Variants in PSKH1 observed in about 807,000 individuals in gnomAD.
The protein encoded by PSKH1 is serine/threonine-protein kinase H1.
PSKH1 carries 12 observed loss-of-function variants against 26.7 expected under a neutral mutation model. The ratio of observed to expected loss-of-function variants is 0.45; its 90% CI spans 0.29 to 0.73. PSKH1 has a LOEUF of 0.73. Ranked by LOEUF, PSKH1 falls within the 30% of genes least tolerant of loss-of-function variation. The pLI, the probability that PSKH1 is intolerant of heterozygous loss-of-function variation, is 0.11. For missense variants in PSKH1, 431 were observed against 595.2 expected (o/e 0.72, Z 2.87); for synonymous variants, 213 against 234.3 (o/e 0.91, Z 0.83).
intron 1 of PSKH1, among the ~76,000 whole-genome samples, chr16:67,906,569 T>C (rs2058156637): frequency 6.6e-6 from 1 of 152,042 alleles, no homozygotes; most frequent in African/African-American, 2.4e-5. Context: ...TTCACCATGT[T>C]GGCCAGACTG....
intron 1 of PSKH1, among the ~76,000 whole-genome samples, chr16:67,900,934 C>T (rs1283447525): frequency 2.0e-5 from 3 of 152,138 alleles, no homozygotes; most frequent in African/African-American, 7.2e-5. Context: ...ATGCTGGGAA[C>T]AGGAAAAGGC....
At chr16:67,900,569 A>G (rs1220232563) in intron 1 of PSKH1, among the ~76,000 whole-genome samples, 1 of 152,178 alleles carries the variant, frequency 6.6e-6, no homozygotes, top group Non-Finnish European at 1.5e-5. Context: ...AAGGAGCCCC[A>G]GATGGGGAAC....
chr16:67,899,090 T>C (rs2058134719), intron 1 of PSKH1, among the ~76,000 whole-genome samples: 1 of 152,206 alleles, frequency 6.6e-6, no homozygotes, highest in African/African-American at 2.4e-5. Flanking sequence ...CCTTGCTCCC[T>C]GCCCCGGGAC....
At chr16:67,915,026 A>G (rs1041204610) in intron 2 of PSKH1, among the ~76,000 whole-genome samples, 2 of 152,080 alleles carry the variant, frequency 1.3e-5, no homozygotes, top group African/African-American at 4.8e-5. Context: ...CTAACTGGCT[A>G]TTGATTACCT....
At chr16:67,907,164 T>C (rs931289252) in intron 1 of PSKH1, among the ~76,000 whole-genome samples, 1 of 150,500 alleles carries the variant, frequency 6.6e-6, no homozygotes, top group Non-Finnish European at 1.5e-5. Flanking sequence ...GGGGTTTCAC[T>C]GTGTTAGCCA....
intron 1 of PSKH1, among the ~76,000 whole-genome samples, chr16:67,907,093 A>T (rs1436849751): frequency 1.4e-5 from 2 of 145,654 alleles, no homozygotes. Context: ...CCTCCCGAGT[A>T]GCTGGGACTA....
At chr16:67,903,258 T>A (rs2058146629) in intron 1 of PSKH1, 1 of 151,912 alleles carries the variant, frequency 6.6e-6, no homozygotes. Context: ...AAGCAGATCC[T>A]CCCACCCTAG....
At chr16:67,895,716 T>C (rs1358076942) in intron 1 of PSKH1, among the ~76,000 whole-genome samples, 2 of 152,158 alleles carry the variant, frequency 1.3e-5, no homozygotes, top group African/African-American at 2.4e-5. Flanking sequence ...CAGGTATCTG[T>C]ATTTTGAGAA....
At position 67,909,101 on chromosome 16, in the gene PSKH1, CG is replaced by C; in HGVS notation, c.355del (p.Ala119GlnfsTer10). On this transcript the variant is annotated frameshift_variant, in exon 2 of 3. Coordinates refer to ENST00000291041, the MANE Select transcript of PSKH1 (RefSeq NM_006742.3). LOFTEE classifies it high-confidence loss of function. This position sits in a 1 kb window ranked among gnomAD's most constrained non-coding sequence, Gnocchi z 7.8. ...CAGCCGAGTGGTACGTGTAGAGCAC[CG>C]GGCAACCCGGCAGCCGTATGCCATC... is the stretch of plus-strand genomic sequence containing the variant. ...SFSRVVRVEH[R>X]ATRQPYAIKM... is the part of the protein sequence containing the mutation. 6.2e-7 allele frequency: 1 copy of C among 1,613,614 alleles called. No individual in the cohort carries two copies. The highest frequency in any genetic ancestry group is 8.5e-7 in the Non-Finnish European group (1 of 1,179,828).
Position 67,927,151 on chromosome 16 carries a change from A to T in PSKH1, c.958-174A>T, listed in dbSNP as rs1390000341. On this transcript the variant is annotated intron_variant, in intron 2 of 2. Coordinates refer to ENST00000291041, the MANE Select transcript of PSKH1 (RefSeq NM_006742.3). The surrounding 1 kb of genome is among the most constrained non-coding windows in gnomAD (Gnocchi z 5.5). The stretch of plus-strand genomic sequence containing the variant: ...TTCCTTGCCAGACTCCATCACCTGG[A>T]GAGCAGCCCTTGTTCAGCCTGAGCC... Among the ~76,000 whole-genome samples the T allele has an allele frequency of 1.3e-5, 2 of 152,164 alleles. No individual in the cohort carries two copies. The highest frequency in any genetic ancestry group is 1.5e-5 in the Non-Finnish European group (1 of 68,024).
In PSKH1 at chr16:67,915,615, A is replaced by G. The variant is rs535832112; in HGVS notation, c.957+5909A>G. 5.2e-3 allele frequency among the ~76,000 whole-genome samples: 789 copies of G among 152,176 alleles called. 4 individuals carry two copies. The highest frequency in any genetic ancestry group is 0.019 in the African/African-American group (772 of 41,494). Reference sequence around the variant, plus strand: ...ACCAGCCTCTGCCACTCCCTGGCAGAGCCCTGGTTTCTCTTTACTTTTCTG... The same window carrying G: ...ACCAGCCTCTGCCACTCCCTGGCAGGGCCCTGGTTTCTCTTTACTTTTCTG... On this transcript the variant is annotated intron_variant, in intron 2 of 2. Transcript: ENST00000291041.
At chr16:67,896,543 T>G (rs2058127062) in intron 1 of PSKH1, among the ~76,000 whole-genome samples, 1 of 144,550 alleles carries the variant, frequency 6.9e-6, no homozygotes, top group African/African-American at 2.7e-5. Context: ...TTCTTTTTTT[T>G]TTTTTTTTTT....
In PSKH1 at chr16:67,926,146, A is replaced by G. The variant is rs1271939018; in HGVS notation, c.958-1179A>G. ...GCATCCCTGTTGAGTCATCTGCAGC[A>G]GGCTCAGGAAAGGTCCTAGCTGCCT... On this transcript the variant is annotated intron_variant, in intron 2 of 2. Transcript: ENST00000291041. Among the ~76,000 whole-genome samples, 3 of 152,138 alleles carry G rather than the reference A, an allele frequency of 2.0e-5. No individual in the cohort carries two copies. In the South Asian group the frequency reaches 6.2e-4, roughly 31 times the overall value.
intron 2 of PSKH1, among the ~76,000 whole-genome samples, chr16:67,925,307 T>C (rs2151315377): frequency 6.6e-6 from 1 of 152,190 alleles, no homozygotes; most frequent in South Asian, 2.1e-4. Context: ...GCAATTCTCC[T>C]GCCTCAGCTT....
chr16:67,901,746 A>C (rs2058142817), intron 1 of PSKH1, among the ~76,000 whole-genome samples: 1 of 143,130 alleles, frequency 7.0e-6, no homozygotes, highest in Admixed American at 7.0e-5. Context: ...GCTATCCTCC[A>C]CCTCAGCTTC....
chr16:67,897,796 C>G (rs1430292869), intron 1 of PSKH1, among the ~76,000 whole-genome samples: 1 of 152,258 alleles, frequency 6.6e-6, no homozygotes, highest in African/African-American at 2.4e-5. Flanking sequence ...AAGTGATTCT[C>G]CCACCTCAGC....
At chr16:67,913,570 A>G (rs954223095) in intron 2 of PSKH1, among the ~76,000 whole-genome samples, 5 of 152,162 alleles carry the variant, frequency 3.3e-5, no homozygotes, top group Non-Finnish European at 5.9e-5. Flanking sequence ...TCTGCTTACC[A>G]GGAGACCGTC....
chr16:67,917,942 G>A (rs1359456041), intron 2 of PSKH1, among the ~76,000 whole-genome samples: 2 of 152,202 alleles, frequency 1.3e-5, no homozygotes, highest in Admixed American at 6.5e-5. Flanking sequence ...GCTGGAAGTG[G>A]TGGGGAGACA....
chr16:67,917,340 T>C (rs1274158891), intron 2 of PSKH1, among the ~76,000 whole-genome samples: 2 of 152,266 alleles, frequency 1.3e-5, no homozygotes, highest in Non-Finnish European at 2.9e-5. Flanking sequence ...CCCTGGTATG[T>C]GTGCCTCAGC....
Sources: gnomAD v4.1 joint callset for allele counts (sites outside exome capture counted in the v4.1 genomes callset) on GRCh38, gnomAD v4.1.1 for gene constraint, Gnocchi (gnomAD v3.1) non-coding constraint, MANE v1.5 for transcripts, NCBI Gene and HGNC (gene_info 2026-07-23, HGNC 2026-07-21) for gene names.